SNRNP40: variants seen among roughly 807,000 people sequenced by gnomAD.
SNRNP40 encodes the protein U5 small nuclear ribonucleoprotein 40 kDa protein.
Under a neutral mutation model 45.8 loss-of-function variants are expected in SNRNP40, and 21 were observed. The ratio of observed to expected loss-of-function variants is 0.46; its 90% CI spans 0.32 to 0.66. SNRNP40 has a LOEUF of 0.66. Ranked by LOEUF, SNRNP40 falls within the 30% of genes least tolerant of loss-of-function variation. The pLI is 0.03. For synonymous variants in SNRNP40, 142 were observed against 163.8 expected (o/e 0.87, Z 1.01); for missense variants, 344 against 439.1 (o/e 0.78, Z 1.94).
intron 3 of SNRNP40, 25 bp from the exon 4 acceptor site, chr1:31,289,444 A>G (rs757076200): frequency 1.9e-6 from 3 of 1,597,288 alleles, no homozygotes; most frequent in Non-Finnish European, 2.6e-6. Context: ...AAAGAATAAA[A>G]AAGAAATAAG....
chr1:31,261,831 TAAG>T, intron 8 of SNRNP40, 199 bp from the exon 9 acceptor site: 1 of 430,574 alleles, frequency 2.3e-6, no homozygotes, highest in South Asian at 4.5e-5. Flanking sequence ...GGTGGAGAAA[TAAG>T]AATAACTAAA....
intron 8 of SNRNP40, 79 bp downstream of exon 8, chr1:31,267,792 A>C: frequency 8.9e-7 from 1 of 1,120,024 alleles, no homozygotes; most frequent in Non-Finnish European, 1.4e-6. Flanking sequence ...TCGGCCTCCC[A>C]AAGTGCTGGG....
intron 5 of SNRNP40, among the ~76,000 whole-genome samples, chr1:31,272,150 G>T (rs1000750258): frequency 6.6e-6 from 1 of 151,794 alleles, no homozygotes; most frequent in African/African-American, 2.4e-5. Context: ...TACATAAAAC[G>T]AACATGTCAT....
chr1:31,287,056 G>C lies in SNRNP40; in HGVS notation c.531+2198C>G, dbSNP rs114086957. Among the ~76,000 whole-genome samples, 1,220 of 152,312 alleles carry C rather than the reference G, an allele frequency of 8.0e-3. 6 individuals are homozygous for C. Among genetic ancestry groups the C allele is most frequent in the Non-Finnish European group, 0.011 (772 of 68,018 alleles). ...CCCAGAATGCTTTTAGACTAAAAATGCAAGTGCTGTTGGAAACCTTTGCTT... is the reference window on the plus strand; with the variant it reads ...CCCAGAATGCTTTTAGACTAAAAATCCAAGTGCTGTTGGAAACCTTTGCTT... On this transcript the variant is annotated intron_variant, in intron 4 of 9. Coordinates refer to ENST00000263694, the MANE Select transcript of SNRNP40 (RefSeq NM_004814.3).
intron 4 of SNRNP40, among the ~76,000 whole-genome samples, chr1:31,288,663 C>A (rs2148390257): frequency 6.3e-5 from 2 of 31,874 alleles, no homozygotes; most frequent in Middle Eastern, 0.021. Flanking sequence ...AATCTCAGAA[C>A]AGCCTTTTTT....
chr1:31,273,953 GT>G (rs924732474), intron 5 of SNRNP40, among the ~76,000 whole-genome samples: 4 of 151,200 alleles, frequency 2.6e-5, no homozygotes, highest in East Asian at 1.9e-4. Flanking sequence ...GAAGAAGGAA[GT>G]TTTTTTTTGT....
intron 5 of SNRNP40, among the ~76,000 whole-genome samples, chr1:31,274,885 G>T (rs16834329): frequency 0.023 from 3,441 of 152,178 alleles, 119 homozygotes; most frequent in African/African-American, 0.078. Context: ...TTTAAAAAGG[G>T]TTCCCACTCC....
intron 2 of SNRNP40, chr1:31,292,886 T>G: frequency 3.7e-6 from 1 of 268,544 alleles, no homozygotes; most frequent in African/African-American, 2.3e-5. Flanking sequence ...TAAAAGTTAT[T>G]TCTCTCCTCA....
In SNRNP40 at chr1:31,291,961, T is replaced by C. The variant is rs758171355; in HGVS notation, c.317A>G (p.Lys106Arg). The C allele has an allele frequency of 1.9e-6, 3 of 1,613,504 alleles. No homozygotes were observed. Among genetic ancestry groups the C allele is most frequent in the Non-Finnish European group, 2.5e-6 (3 of 1,179,432 alleles). The change falls in exon 3 of 10, where the codon AAG becomes AGG. Residue 106 changes from lysine to arginine, a missense_variant. Coordinates refer to ENST00000263694, the MANE Select transcript of SNRNP40 (RefSeq NM_004814.3). ...TTCCATCACTGCTCCACTGTGTCCC[T>C]TCAGTGTGGCATAGTTATCACAGTC... The part of the protein sequence containing the change: ...YGDCDNYATL[K>R]GHSGAVMELH...
chr1:31,289,478 T>C, intron 3 of SNRNP40, 59 bp from the exon 4 acceptor site: 1 of 1,510,134 alleles, frequency 6.6e-7, no homozygotes, highest in Non-Finnish European at 9.1e-7. Context: ...TAACAATCTA[T>C]CTTTCCTACT....
At chr1:31,262,914 A>C (rs556912847) in intron 8 of SNRNP40, among the ~76,000 whole-genome samples, 3 of 151,864 alleles carry the variant, frequency 2.0e-5, no homozygotes, top group Admixed American at 2.0e-4. Context: ...AGGTGGGAGG[A>C]CTGATTGAGT....
chr1:31,286,687 C>A (rs547112032), intron 4 of SNRNP40, among the ~76,000 whole-genome samples: 2 of 152,270 alleles, frequency 1.3e-5, no homozygotes, highest in East Asian at 3.9e-4. Flanking sequence ...TGGGCTGCTG[C>A]CCCTCCCTCA....
At chr1:31,294,146 TG>T (rs1646125345) in intron 1 of SNRNP40, among the ~76,000 whole-genome samples, 1 of 152,026 alleles carries the variant, frequency 6.6e-6, no homozygotes, top group African/African-American at 2.4e-5. Flanking sequence ...TTAGTAGAGA[TG>T]GGGTTTCACC....
intron 5 of SNRNP40, among the ~76,000 whole-genome samples, chr1:31,277,076 A>C (rs1645980765): frequency 6.6e-6 from 1 of 152,118 alleles, no homozygotes; most frequent in Non-Finnish European, 1.5e-5. Context: ...ATGTACCTAT[A>C]GTCCCAGCTA....
rs762926287 is a variant in SNRNP40 at position 31,293,301 on chromosome 1, A to G, written c.189T>C (p.Ser63=). 9 of 1,613,916 alleles carry G rather than the reference A, an allele frequency of 5.6e-6. No homozygotes were observed. The highest frequency in any genetic ancestry group is 7.6e-6 in the Non-Finnish European group (9 of 1,179,920). ...AGCAGTAGACTTCCCCTTCATGTCC[A>G]GAGAGCAGCATGATTGGGGCTTGAA... ...SSLQAPIMLL[S]GHEGEVYCCK... Residue 63 remains serine, a synonymous_variant, in exon 2 of 10, where the codon TCT becomes TCC. Transcript: ENST00000263694.
chr1:31,276,289 C>T (rs1645974184), intron 5 of SNRNP40, among the ~76,000 whole-genome samples: 9 of 152,158 alleles, frequency 5.9e-5, no homozygotes, highest in Admixed American at 4.6e-4. Flanking sequence ...ATCCCAACTT[C>T]GCTTAAGCAC....
chr1:31,271,285 C>T, intron 6 of SNRNP40, 94 bp downstream of exon 6: 1 of 1,285,974 alleles, frequency 7.8e-7, no homozygotes, highest in East Asian at 2.3e-5. Flanking sequence ...TAAAGCTTTC[C>T]CCATTACAAC....
intron 6 of SNRNP40, among the ~76,000 whole-genome samples, chr1:31,269,861 A>G (rs1645924840): frequency 6.6e-6 from 1 of 152,226 alleles, no homozygotes; most frequent in South Asian, 2.1e-4. Flanking sequence ...TCTGTTCTGT[A>G]AAATGAAGAG....
chr1:31,282,483 G>C (rs12135961), intron 4 of SNRNP40: 15,628 of 69,890 alleles, frequency 0.22, 1,104 homozygotes, highest in Non-Finnish European at 0.27. Context: ...ATCTATCTAT[G>C]TATCTATCTA....
Sources: allele counts gnomAD v4.1 joint callset (sites outside exome capture counted in the v4.1 genomes callset), GRCh38; gene constraint gnomAD v4.1.1; transcripts MANE v1.5; gene names NCBI Gene and HGNC (gene_info 2026-07-23, HGNC 2026-07-21).